Variants in PRUNE2 observed in about 807,000 individuals in gnomAD.
PRUNE2 encodes prune homolog 2 with BCH domain.
In PRUNE2, 164 loss-of-function variants were observed where a neutral mutation model predicts 252.0. The observed-to-expected ratio is 0.65, with a 90% CI of 0.57 to 0.74. The LOEUF is 0.74. PRUNE2 is among the 30% of genes least tolerant of loss of function. The probability of loss-of-function intolerance (pLI) is 0.00; values close to 1 mark genes in which losing one functional copy is unlikely to be tolerated. For missense variants in PRUNE2, 3,495 were observed against 3,711.0 expected (o/e 0.94, Z 1.51); for synonymous variants, 1,292 against 1,350.2 (o/e 0.96, Z 0.94).
At chr9:76,809,895 C>T (rs185368285) in intron 6 of PRUNE2, among the ~76,000 whole-genome samples, 1 of 152,144 alleles carries the variant, frequency 6.6e-6, no homozygotes, top group Admixed American at 6.5e-5. Flanking sequence ...TCCTTGTCAA[C>T]CCTGGTGTCC....
intron 6 of PRUNE2, among the ~76,000 whole-genome samples, chr9:76,748,085 C>T (rs113397861): frequency 0.017 from 2,551 of 152,170 alleles, 33 homozygotes; most frequent in Middle Eastern, 0.031. Flanking sequence ...CGTGAGCCAA[C>T]GTGCCCGGCC....
chr9:76,855,024 C>T (rs2060166070), intron 1 of PRUNE2, among the ~76,000 whole-genome samples: 1 of 142,108 alleles, frequency 7.0e-6, no homozygotes, highest in Non-Finnish European at 1.5e-5. Context: ...CGAGATTGCA[C>T]CACTGCACTC....
chr9:76,701,315 T>A (rs1357107970), intron 9 of PRUNE2, among the ~76,000 whole-genome samples: 5 of 152,184 alleles, frequency 3.3e-5, no homozygotes, highest in Non-Finnish European at 7.3e-5. Context: ...ATGCAAAAGA[T>A]AATACACATG....
intron 6 of PRUNE2, among the ~76,000 whole-genome samples, chr9:76,781,301 G>A (rs2054366198): frequency 1.3e-5 from 2 of 152,100 alleles, no homozygotes; most frequent in South Asian, 2.1e-4. Flanking sequence ...ACTCTGGCCT[G>A]GGAGGGCTTG....
intron 6 of PRUNE2, among the ~76,000 whole-genome samples, chr9:76,776,540 G>A (rs1346045034): frequency 1.2e-5 from 1 of 83,858 alleles, no homozygotes; most frequent in Non-Finnish European, 2.0e-5. Context: ...TTTTTGAGAT[G>A]AGTCTCGCTC....
chr9:76,624,655 C>CA lies in PRUNE2; in HGVS notation c.9150-166dup, dbSNP rs150429827. 1.9e-3 allele frequency among the ~76,000 whole-genome samples: 283 copies of CA among 152,338 alleles called. 2 individuals are homozygous for CA. Among genetic ancestry groups the CA allele is most frequent in the African/African-American group, 6.6e-3 (276 of 41,590 alleles). On this transcript the variant is annotated intron_variant, in intron 16 of 18. Transcript: ENST00000376718. ...GTACTCCTTCCATTAAATATGTTGT[C>CA]ATTGCCTCCCATTCAGTGTTTATGT...
rs1587569963 is a variant in PRUNE2 at position 76,613,918 on chromosome 9, A to C, written c.*652T>G. On this transcript the variant is annotated 3_prime_UTR_variant, in exon 19 of 19. Coordinates refer to ENST00000376718, the MANE Select transcript of PRUNE2 (RefSeq NM_015225.3). The stretch of plus-strand genomic sequence containing the variant: ...GTCACCAACATTCATCAGGAAAATG[A>C]TGTTAAAAGACCAATTTACATAAAA... 6.6e-6 allele frequency: 1 copy of C among 152,210 alleles called. No individual in the cohort carries two copies. Among genetic ancestry groups the C allele is most frequent in the South Asian group, 2.1e-4 (1 of 4,822 alleles). 9.4% of individuals were successfully genotyped at this position (152,210 alleles called of 1,614,324 possible). A position where few individuals can be genotyped will look rare whatever the true frequency, so the allele number is the denominator to read the frequency against.
chr9:76,682,362 C>CTT (rs34870489), intron 9 of PRUNE2, among the ~76,000 whole-genome samples: 7,326 of 135,994 alleles, frequency 0.054, 306 homozygotes, highest in South Asian at 0.12. Flanking sequence ...TCACTATTAA[C>CTT]TTTTTTTTTT....
rs530861532 is a variant in PRUNE2 at position 76,756,799 on chromosome 9, AG to A, written c.757-43079del. ...TGAGAAAGCCTCCATCACCAGGGAC[AG>A]GGGGGTGCCTTGATGCTTGATGCTG... On this transcript the variant is annotated intron_variant, in intron 6 of 18. Coordinates refer to ENST00000376718, the MANE Select transcript of PRUNE2 (RefSeq NM_015225.3). 5.0e-3 allele frequency among the ~76,000 whole-genome samples: 763 copies of A among 152,224 alleles called. 6 individuals carry two copies. The highest frequency in any genetic ancestry group is 0.018 in the African/African-American group (732 of 41,528).
rs369348433 is a variant in PRUNE2 at position 76,637,496 on chromosome 9, T to C, written c.8885A>G (p.Tyr2962Cys). Residue 2962 changes from tyrosine to cysteine, a missense_variant, in exon 14 of 19, where the codon TAC becomes TGC. Physicochemically the swap from Tyr to Cys is radical, Grantham distance 194. Coordinates refer to ENST00000376718, the MANE Select transcript of PRUNE2 (RefSeq NM_015225.3). ...CCTTCTTGGGGTTGCACCATTCAAG[T>C]ACACAATCATATAGTCTTCAGCTAC... ...LMVAEDYMIV[Y>C]LNGATPRRRM... 21 of 1,613,296 alleles carry C rather than the reference T, an allele frequency of 1.3e-5. No homozygotes were observed. The highest frequency in any genetic ancestry group is 1.7e-5 in the Non-Finnish European group (20 of 1,179,514).
rs530679657 is a variant in PRUNE2, at chr9:76,723,595, A to G, written c.757-9874T>C. Among the ~76,000 whole-genome samples, 4 of 152,304 alleles carry G rather than the reference A, an allele frequency of 2.6e-5. No individual in the cohort carries two copies. The East Asian group carries it at 7.7e-4, about 29-fold the overall frequency. On this transcript the variant is annotated intron_variant, in intron 6 of 18. Coordinates refer to ENST00000376718, the MANE Select transcript of PRUNE2 (RefSeq NM_015225.3). The stretch of plus-strand genomic sequence containing the variant: ...TACAACTATGAAAGGCAATCATAAT[A>G]ATGTCATCCATCTGCAAATGCTTGA...
intron 6 of PRUNE2, among the ~76,000 whole-genome samples, chr9:76,774,284 C>T (rs1224220182): frequency 6.6e-6 from 1 of 151,612 alleles, no homozygotes; most frequent in Admixed American, 6.6e-5. Flanking sequence ...TACAGGTGTG[C>T]ACCACCATGC....
At position 76,709,469 on chromosome 9, in the gene PRUNE2, A is replaced by G. The variant is rs763241139; in HGVS notation, c.2805T>C (p.Val935=). 6.2e-7 allele frequency: 1 copy of G among 1,614,034 alleles called. No individual in the cohort carries two copies. Among genetic ancestry groups the G allele is most frequent in the Non-Finnish European group, 8.5e-7 (1 of 1,179,896 alleles). The change falls in exon 8 of 19, where the codon GTT becomes GTC. Residue 935 remains valine (V), a synonymous_variant. Transcript: ENST00000376718. ...AAGATAAGAAGGAATCTTCCCAAGG[A>G]ACTAGGACATCTGACCCTCCTTTCT... The part of the protein sequence containing the change: ...NMKKGGSDVL[V]PWEDSFLSYK...
At chr9:76,838,061 G>A (rs893966586) in intron 4 of PRUNE2, among the ~76,000 whole-genome samples, 12 of 152,024 alleles carry the variant, frequency 7.9e-5, no homozygotes, top group Non-Finnish European at 1.0e-4. Context: ...GTGAGCCACT[G>A]TGCCCAGCCA....
At chr9:76,681,957 A>T (rs1280111231) in intron 9 of PRUNE2, among the ~76,000 whole-genome samples, 1 of 152,150 alleles carries the variant, frequency 6.6e-6, no homozygotes, top group Non-Finnish European at 1.5e-5. Flanking sequence ...TTTATTTTTA[A>T]GATAAGCTGA....
intron 6 of PRUNE2, among the ~76,000 whole-genome samples, chr9:76,822,634 C>T (rs1170425071): frequency 6.6e-6 from 1 of 152,076 alleles, no homozygotes; most frequent in African/African-American, 2.4e-5. Flanking sequence ...ATGGTGAAAC[C>T]CTGTCTCTAC....
chr9:76,646,590 C>A (rs1221207062), intron 11 of PRUNE2, among the ~76,000 whole-genome samples: 4 of 151,830 alleles, frequency 2.6e-5, no homozygotes, highest in African/African-American at 7.3e-5. Flanking sequence ...TCTTTGGAAT[C>A]CCTTCCTGCT....
intron 1 of PRUNE2, among the ~76,000 whole-genome samples, chr9:76,871,477 A>G (rs894607183): frequency 6.6e-6 from 1 of 152,226 alleles, no homozygotes; most frequent in Non-Finnish European, 1.5e-5. Context: ...GAGATAACTG[A>G]ACTATGTTGG....
chr9:76,756,482 G>A (rs1022972541), intron 6 of PRUNE2, among the ~76,000 whole-genome samples: 1 of 152,170 alleles, frequency 6.6e-6, no homozygotes, highest in African/African-American at 2.4e-5. Flanking sequence ...CATGGCTGTC[G>A]CAACTAGGAA....
Sources: gnomAD v4.1 joint callset for allele counts (sites outside exome capture counted in the v4.1 genomes callset) on GRCh38, gnomAD v4.1.1 for gene constraint, MANE v1.5 for transcripts, NCBI Gene and HGNC (gene_info 2026-07-23, HGNC 2026-07-21) for gene names.